The following SSBP3 variants were observed in gnomAD, a reference collection of about 807,000 sequenced individuals.
The protein encoded by SSBP3 is single-stranded DNA-binding protein 3.
A neutral mutation model predicts 69.6 loss-of-function variants in SSBP3; 5 were observed. That is an observed-to-expected ratio of 0.07 (90% CI 0.04 to 0.15). The LOEUF is 0.15. Among genes scored for constraint, SSBP3 ranks in the 10% least tolerant of loss-of-function variants. The pLI is 1.00. For missense variants in SSBP3, 312 were observed against 534.0 expected, an observed-to-expected ratio of 0.58 and a Z score of 4.10; for synonymous variants, 196 against 193.4, an observed-to-expected ratio of 1.01 and a Z score of -0.11.
chr1:54,360,919 A>T (rs1052235115), intron 4 of SSBP3, among the ~76,000 whole-genome samples: 2 of 64,102 alleles, frequency 3.1e-5, no homozygotes, highest in Admixed American at 2.3e-4. Flanking sequence ...GTCTCTACTT[A>T]AAAAAAAAAA....
Position 54,228,437 on chromosome 1 carries a change from G to A in SSBP3, c.1035+12C>T, listed in dbSNP as rs778630834. On this transcript the variant is annotated intron_variant, in intron 16 of 17. Coordinates refer to ENST00000610401, the Ensembl canonical transcript of SSBP3. ...GATGGGGCGCCGCCAGGGAGACCGAGTGCACACTCACTTTTGGAAGTCCGT... is the reference window on the plus strand; with the variant it reads ...GATGGGGCGCCGCCAGGGAGACCGAATGCACACTCACTTTTGGAAGTCCGT... 3 of 1,614,104 alleles carry A rather than the reference G, an allele frequency of 1.9e-6. No homozygotes were observed. The highest frequency in any genetic ancestry group is 1.3e-5 in the African/African-American group (1 of 74,946).
chr1:54,391,540 C>A (rs974734300), intron 4 of SSBP3, among the ~76,000 whole-genome samples: 4 of 152,354 alleles, frequency 2.6e-5, no homozygotes, highest in Middle Eastern at 6.8e-3. Flanking sequence ...CCTGCTCCCC[C>A]CTCTCCACTG....
At chr1:54,287,177 C>T (rs1645506532) in intron 4 of SSBP3, 1 of 152,228 alleles carries the variant, frequency 6.6e-6, no homozygotes, top group African/African-American at 2.4e-5. Context: ...TCCTGGAAAA[C>T]TGAATAAAAA....
rs191661105 is a variant in SSBP3 at position 54,278,208 on chromosome 1, T to C, written c.366+3230A>G. On this transcript the variant is annotated intron_variant, in intron 5 of 17. Transcript: ENST00000610401. ...CCCTCCCTGATCAGAATGTTGGATC[T>C]AGTGCTTTGGGGCTGCCTGGGCTCC... 1.8e-3 allele frequency among the ~76,000 whole-genome samples: 269 copies of C among 152,294 alleles called. 1 individual carries two copies. Among genetic ancestry groups the C allele is most frequent in the African/African-American group, 5.9e-3 (244 of 41,566 alleles).
At chr1:54,354,301 G>A (rs1460498505) in intron 4 of SSBP3, among the ~76,000 whole-genome samples, 3 of 152,122 alleles carry the variant, frequency 2.0e-5, no homozygotes, top group Non-Finnish European at 4.4e-5. Context: ...AGGGCAGGTG[G>A]ACAGACCAGC....
At chr1:54,298,843 A>T (rs1291604369) in intron 4 of SSBP3, among the ~76,000 whole-genome samples, 1 of 151,854 alleles carries the variant, frequency 6.6e-6, no homozygotes, top group East Asian at 1.9e-4. Context: ...CCACTTCTCC[A>T]TCATCTCGCT....
intron 4 of SSBP3, among the ~76,000 whole-genome samples, chr1:54,301,499 G>A (rs2101000774): frequency 6.6e-6 from 1 of 152,288 alleles, no homozygotes; most frequent in East Asian, 1.9e-4. Flanking sequence ...TAGAGGCCCA[G>A]AAGAATGCAA....
intron 4 of SSBP3, among the ~76,000 whole-genome samples, chr1:54,291,925 G>A (rs931963444): frequency 1.3e-5 from 2 of 152,234 alleles, no homozygotes; most frequent in African/African-American, 4.8e-5. Flanking sequence ...TGCCAATGGG[G>A]AACCTTGTCT....
chr1:54,289,666 C>T (rs748006170), intron 4 of SSBP3, among the ~76,000 whole-genome samples: 42 of 152,170 alleles, frequency 2.8e-4, no homozygotes, highest in South Asian at 8.3e-4. Context: ...CCTTAAAGGA[C>T]GGCAGGACTC....
chr1:54,293,446 C>T (rs576966501), intron 4 of SSBP3, among the ~76,000 whole-genome samples: 5 of 152,264 alleles, frequency 3.3e-5, no homozygotes, highest in East Asian at 1.9e-4. Context: ...TGCCACCCAT[C>T]GATATGGTAT....
chr1:54,363,066 A>T (rs1362089259), intron 4 of SSBP3, among the ~76,000 whole-genome samples: 3 of 152,102 alleles, frequency 2.0e-5, no homozygotes, highest in Non-Finnish European at 4.4e-5. Flanking sequence ...ATCAGTGTGG[A>T]TAGAATGCTG....
At chr1:54,245,348 G>T (rs1439163125) in intron 9 of SSBP3, among the ~76,000 whole-genome samples, 1 of 152,226 alleles carries the variant, frequency 6.6e-6, no homozygotes, top group African/African-American at 2.4e-5. Flanking sequence ...CAAATGGACA[G>T]CTAGGATTTA....
At chr1:54,332,609 CA>C (rs1436075966) in intron 4 of SSBP3, among the ~76,000 whole-genome samples, 5 of 152,184 alleles carry the variant, frequency 3.3e-5, no homozygotes, top group African/African-American at 4.8e-5. Context: ...GAAGTCACTT[CA>C]CCTTCCTGTG....
intron 7 of SSBP3, among the ~76,000 whole-genome samples, chr1:54,256,535 T>C (rs1440422070): frequency 2.0e-5 from 3 of 152,056 alleles, no homozygotes; most frequent in African/African-American, 7.2e-5. Context: ...TCCCTCCCCG[T>C]AATCAGACCC....
chr1:54,256,647 C>G (rs1488984019), intron 7 of SSBP3, among the ~76,000 whole-genome samples: 1 of 152,200 alleles, frequency 6.6e-6, no homozygotes, highest in Admixed American at 6.5e-5. Context: ...CTGCTGCATC[C>G]AGGCTCCTGA....
Position 54,227,185 on chromosome 1 carries a change from G to A in SSBP3, c.1138-25C>T, listed in dbSNP as rs59695718. 1.9e-5 allele frequency: 23 copies of A among 1,193,958 alleles called. 4 individuals are homozygous for A. The highest frequency in any genetic ancestry group is 4.8e-5 in the African/African-American group (3 of 62,032). The allele number at this position is 1,193,958 out of a possible 1,614,324, so 74.0% of individuals were successfully genotyped here. A position where few individuals can be genotyped will look rare whatever the true frequency, so the allele number is the denominator to read the frequency against. ...ACTGGAAAGGAGAAGCAGAGAAGGG[G>A]GGGGGGTGAGGATTGTGGGGAGGCC... On this transcript the variant is annotated intron_variant, in intron 17 of 17. Transcript: ENST00000610401.
At chr1:54,343,128 AGGACAGGTG>A in intron 4 of SSBP3, among the ~76,000 whole-genome samples, 1 of 152,290 alleles carries the variant, frequency 6.6e-6, no homozygotes, top group East Asian at 1.9e-4. Flanking sequence ...GGGGATACTT[AGGACAGGTG>A]GGGGGAAGAG....
At chr1:54,355,195 ACTCTCTGTCCTGTTC>A (rs1203946986) in intron 4 of SSBP3, among the ~76,000 whole-genome samples, 1 of 151,970 alleles carries the variant, frequency 6.6e-6, no homozygotes, top group Non-Finnish European at 1.5e-5. Context: ...GAGACCAGGC[ACTCTCTGTCCTGTTC>A]CTCTCTGTGC....
At chr1:54,329,195 C>G (rs756222498) in intron 4 of SSBP3, among the ~76,000 whole-genome samples, 10 of 124,538 alleles carry the variant, frequency 8.0e-5, no homozygotes, top group Non-Finnish European at 1.4e-4. Context: ...GATAGACCAT[C>G]AAAGGCAGGG....
Sources: gnomAD v4.1 joint callset for allele counts (sites outside exome capture counted in the v4.1 genomes callset) on GRCh38, gnomAD v4.1.1 for gene constraint, MANE v1.5 for transcripts, NCBI Gene and HGNC (gene_info 2026-07-23, HGNC 2026-07-21) for gene names.